Variants in CTNNA2 observed in about 807,000 individuals in gnomAD.
The protein encoded by CTNNA2 is catenin alpha 2.
A neutral mutation model predicts 101.0 loss-of-function variants in CTNNA2; 42 were observed. The observed-to-expected ratio is 0.42, with a 90% confidence interval of 0.32 to 0.54. The LOEUF (loss-of-function observed/expected upper bound fraction) is 0.54. Among genes scored for constraint, CTNNA2 ranks in the 20% least tolerant of loss-of-function variants. The pLI is 0.14. For missense variants in CTNNA2, 871 were observed against 1,223.1 expected, an observed-to-expected ratio of 0.71 and a Z score of 4.29; for synonymous variants, 450 against 456.4, an observed-to-expected ratio of 0.99 and a Z score of 0.18.
In CTNNA2 at chr2:79,794,601, C is replaced by T. The variant is rs190720859; in HGVS notation, c.298+50019C>T. Among the ~76,000 whole-genome samples the T allele has an allele frequency of 1.7e-3, 255 of 152,188 alleles. 1 individual carries two copies. The highest frequency in any genetic ancestry group is 2.7e-3 in the Admixed American group (41 of 15,280). The stretch of plus-strand genomic sequence containing the variant: ...AACAAAACTTATCATAAGATCTACC[C>T]GCTTAGCAAGTCTTAAGCGTACAAT... On this transcript the variant is annotated intron_variant, in intron 3 of 18. Transcript: ENST00000402739.
At chr2:79,679,749 T>C (rs1433234171) in intron 2 of CTNNA2, among the ~76,000 whole-genome samples, 5 of 152,138 alleles carry the variant, frequency 3.3e-5, no homozygotes, top group African/African-American at 4.8e-5. Flanking sequence ...GCAAAACCTC[T>C]GTTTGGAGGA....
At chr2:80,187,145 A>G (rs972567945) in intron 7 of CTNNA2, among the ~76,000 whole-genome samples, 1 of 152,212 alleles carries the variant, frequency 6.6e-6, no homozygotes, top group Non-Finnish European at 1.5e-5. Context: ...TATGTAATAT[A>G]TATCTCATAT....
At chr2:80,369,722 G>A (rs1675275077) in intron 7 of CTNNA2, among the ~76,000 whole-genome samples, 1 of 152,118 alleles carries the variant, frequency 6.6e-6, no homozygotes, top group Admixed American at 6.5e-5. Context: ...AGTCTTCAAA[G>A]GTAGAAAATC....
At chr2:80,027,604 TGAA>T (rs1161200740) in intron 7 of CTNNA2, among the ~76,000 whole-genome samples, 2 of 152,072 alleles carry the variant, frequency 1.3e-5, no homozygotes, top group Non-Finnish European at 2.9e-5. Flanking sequence ...GCACTGGAAG[TGAA>T]GAAGTAGGAG....
chr2:80,363,218 T>C (rs1372990765), intron 7 of CTNNA2, among the ~76,000 whole-genome samples: 1 of 151,574 alleles, frequency 6.6e-6, no homozygotes, highest in Admixed American at 6.6e-5. Flanking sequence ...CACAGAAATA[T>C]TTTTTCTTCA....
At chr2:79,638,124 G>T (rs1447847335) in intron 1 of CTNNA2, among the ~76,000 whole-genome samples, 1 of 152,026 alleles carries the variant, frequency 6.6e-6, no homozygotes, top group Non-Finnish European at 1.5e-5. Flanking sequence ...AATAAACTTC[G>T]GCCAATGACC....
chr2:80,297,983 G>A (rs1461917287), intron 7 of CTNNA2, among the ~76,000 whole-genome samples: 4 of 151,762 alleles, frequency 2.6e-5, no homozygotes, highest in Admixed American at 2.6e-4. Flanking sequence ...GGGTGTGTGT[G>A]TGTGGTTATA....
intron 7 of CTNNA2, among the ~76,000 whole-genome samples, chr2:80,038,280 T>C (rs1214796752): frequency 1.4e-4 from 21 of 152,038 alleles, no homozygotes; most frequent in Non-Finnish European, 1.5e-5. Context: ...AGAAGGAAGA[T>C]AGAAATGGGA....
chr2:79,940,254 T>G (rs1197877476), intron 7 of CTNNA2, among the ~76,000 whole-genome samples: 2 of 152,206 alleles, frequency 1.3e-5, no homozygotes, highest in Non-Finnish European at 2.9e-5. Context: ...CAAATTTATT[T>G]ACCAAGAAAA....
intron 3 of CTNNA2, among the ~76,000 whole-genome samples, chr2:79,825,750 G>T (rs1678388071): frequency 6.6e-6 from 1 of 152,168 alleles, no homozygotes; most frequent in African/African-American, 2.4e-5. Context: ...AGATGGCTAA[G>T]TTGATCTAGG....
intron 7 of CTNNA2, among the ~76,000 whole-genome samples, chr2:80,217,453 A>T (rs1395984395): frequency 6.6e-6 from 1 of 151,982 alleles, no homozygotes; most frequent in African/African-American, 2.4e-5. Context: ...TTACCTTTAA[A>T]ATGGGCCTAA....
intron 2 of CTNNA2, among the ~76,000 whole-genome samples, chr2:79,672,817 T>C (rs1987928): frequency 0.34 from 52,034 of 151,218 alleles, 9,883 homozygotes; most frequent in East Asian, 0.7. Flanking sequence ...TCAAGTGATT[T>C]GCCTGCCTCA....
chr2:79,467,620 C>T (rs531739678), intron 4 of CTNNA2, among the ~76,000 whole-genome samples: 1 of 152,164 alleles, frequency 6.6e-6, no homozygotes, highest in East Asian at 1.9e-4. Context: ...TTAAGGGCAG[C>T]CAGAGAGAAA....
intron 1 of CTNNA2, chr2:79,523,268 T>C (rs1388918021): frequency 2.2e-6 from 1 of 450,056 alleles, no homozygotes; most frequent in Non-Finnish European, 4.5e-6. Flanking sequence ...AAGATTGATT[T>C]TGGGGGCCCC....
intron 7 of CTNNA2, among the ~76,000 whole-genome samples, chr2:80,358,932 C>A (rs1217921134): frequency 6.6e-6 from 1 of 151,806 alleles, no homozygotes; most frequent in Admixed American, 6.6e-5. Context: ...TTACTTCATT[C>A]TTTTTCCTTT....
At chr2:79,326,567 TGGGC>T (rs1300200264) in intron 3 of CTNNA2, among the ~76,000 whole-genome samples, 2 of 152,162 alleles carry the variant, frequency 1.3e-5, no homozygotes, top group African/African-American at 4.8e-5. Flanking sequence ...GCCATAGGAA[TGGGC>T]TAGTCATTTA....
intron 3 of CTNNA2, among the ~76,000 whole-genome samples, chr2:79,357,385 A>T (rs1446080500): frequency 1.3e-5 from 2 of 152,196 alleles, no homozygotes; most frequent in Admixed American, 1.3e-4. Flanking sequence ...ACAAGTGAAA[A>T]TACAGTTATT....
chr2:79,201,126 G>A (rs1217132794), intron 2 of CTNNA2, among the ~76,000 whole-genome samples: 1 of 151,816 alleles, frequency 6.6e-6, no homozygotes, highest in Non-Finnish European at 1.5e-5. Flanking sequence ...CCACATCAGA[G>A]GCTTTGTTCC....
chr2:79,334,610 G>A (rs1450117332), intron 3 of CTNNA2, among the ~76,000 whole-genome samples: 1 of 151,256 alleles, frequency 6.6e-6, no homozygotes, highest in African/African-American at 2.4e-5. Context: ...AGAAAGAGAA[G>A]AATAAAAAAA....
Sources: allele counts gnomAD v4.1 joint callset (sites outside exome capture counted in the v4.1 genomes callset), GRCh38; gene constraint gnomAD v4.1.1; transcripts MANE v1.5; gene names NCBI Gene and HGNC (gene_info 2026-07-23, HGNC 2026-07-21).